PTPRK: variants seen among roughly 807,000 people sequenced by gnomAD.
The protein encoded by PTPRK is receptor-type tyrosine-protein phosphatase kappa.
In PTPRK, 75 loss-of-function variants were observed where a neutral mutation model predicts 178.0. The ratio of observed to expected loss-of-function variants is 0.42; its 90% confidence interval spans 0.35 to 0.51. PTPRK has a LOEUF of 0.51. Ranked by LOEUF, PTPRK falls within the 20% of genes least tolerant of loss-of-function variation. The pLI is 0.02. For missense variants in PTPRK, 1,441 were observed against 1,797.8 expected (o/e 0.80, Z 3.59); for synonymous variants, 637 against 620.6 (o/e 1.03, Z -0.39).
At chr6:128,237,038 T>C (rs138896563) in intron 5 of PTPRK, among the ~76,000 whole-genome samples, 2 of 152,324 alleles carry the variant, frequency 1.3e-5, no homozygotes, top group East Asian at 1.9e-4. Context: ...CTAGAAAGAA[T>C]ACAGAAGTGA....
At chr6:127,992,392 C>T (rs1776709435) in intron 19 of PTPRK, among the ~76,000 whole-genome samples, 1 of 151,750 alleles carries the variant, frequency 6.6e-6, no homozygotes, top group African/African-American at 2.4e-5. Flanking sequence ...CTGACTGGCA[C>T]TATTGACTAG....
chr6:127,988,502 A>G (rs1436690403), intron 21 of PTPRK, among the ~76,000 whole-genome samples: 1 of 151,934 alleles, frequency 6.6e-6, no homozygotes, highest in African/African-American at 2.4e-5. Context: ...TAACTTTAAA[A>G]CCATAGTGCA....
At chr6:127,985,484 A>G (rs537319338) in intron 22 of PTPRK, among the ~76,000 whole-genome samples, 3 of 152,358 alleles carry the variant, frequency 2.0e-5, no homozygotes, top group African/African-American at 2.4e-5. Flanking sequence ...CAGAGTTTCT[A>G]TACTTTAAAT....
At chr6:128,407,866 G>T (rs536539713) in intron 1 of PTPRK, among the ~76,000 whole-genome samples, 1 of 152,082 alleles carries the variant, frequency 6.6e-6, no homozygotes, top group South Asian at 2.1e-4. Flanking sequence ...TTCAAGTATG[G>T]GGGAAGAAAG....
rs915489828 is a variant in PTPRK, at chr6:128,520,166, C to G, written c.100+93G>C. The G allele has an allele frequency of 1.1e-5, 13 of 1,138,860 alleles. No individual in the cohort carries two copies. The African/African-American group carries it at 1.4e-4, about 12-fold the overall frequency. 70.5% of individuals were successfully genotyped at this position (1,138,860 alleles called of 1,614,324 possible). ...ACCCCCGGACAGAGAGAGCTCCCCA[C>G]GATCCTTGTCCCCAGCCCTAGCGGG... On this transcript the variant is annotated intron_variant, in intron 1 of 29. Coordinates refer to ENST00000368226, the MANE Select transcript of PTPRK (RefSeq NM_002844.4).
chr6:128,395,008 TTTTG>T (rs1840099641), intron 2 of PTPRK, among the ~76,000 whole-genome samples: 1 of 152,154 alleles, frequency 6.6e-6, no homozygotes, highest in Admixed American at 6.5e-5. Flanking sequence ...TTTGTTTTGT[TTTTG>T]TTTGTGTTTT....
intron 3 of PTPRK, among the ~76,000 whole-genome samples, chr6:128,261,799 T>A (rs1345793435): frequency 6.6e-6 from 1 of 152,170 alleles, no homozygotes; most frequent in African/African-American, 2.4e-5. Context: ...GGCAATAGCT[T>A]TTGGAGCTAT....
At chr6:128,413,301 T>C (rs967242647) in intron 1 of PTPRK, among the ~76,000 whole-genome samples, 3 of 152,154 alleles carry the variant, frequency 2.0e-5, no homozygotes, top group Non-Finnish European at 4.4e-5. Flanking sequence ...TAAGAGAACA[T>C]TCGCTGGTCC....
rs538548428 is a variant in PTPRK at position 128,348,064 on chromosome 6, T to G, written c.224-25754A>C. Among the ~76,000 whole-genome samples the G allele has an allele frequency of 1.7e-4, 26 of 152,130 alleles. 1 individual carries two copies. The South Asian group carries it at 5.0e-3, about 29-fold the overall frequency. ...CAAGTACAGATCATCTATTGTAGCT[T>G]TGACACAACACATATACTTTTATAA... On this transcript the variant is annotated intron_variant, in intron 2 of 29. Coordinates refer to ENST00000368226, the MANE Select transcript of PTPRK (RefSeq NM_002844.4).
At chr6:128,105,412 C>A (rs540399185) in intron 7 of PTPRK, among the ~76,000 whole-genome samples, 13 of 152,140 alleles carry the variant, frequency 8.5e-5, no homozygotes, top group Non-Finnish European at 1.0e-4. Context: ...GGATTACAGG[C>A]GTGAGCCACC....
chr6:128,369,155 GTCCC>G, intron 2 of PTPRK, among the ~76,000 whole-genome samples: 1 of 3,072 alleles, frequency 3.3e-4, no homozygotes, highest in East Asian at 0.023. Flanking sequence ...CCCCATTACT[GTCCC>G]ACCACTCTTT....
chr6:128,374,978 C>T (rs965079503), intron 2 of PTPRK, among the ~76,000 whole-genome samples: 3 of 151,848 alleles, frequency 2.0e-5, no homozygotes, highest in Non-Finnish European at 2.9e-5. Context: ...GCCTGGAATG[C>T]TTTTCCCCTA....
chr6:128,491,705 A>G, intron 1 of PTPRK: 1 of 486,668 alleles, frequency 2.1e-6, no homozygotes, highest in Non-Finnish European at 4.1e-6. Flanking sequence ...GGCTTACATT[A>G]ATCTATCATT....
chr6:128,151,655 G>A (rs903870066), intron 7 of PTPRK, among the ~76,000 whole-genome samples: 2 of 152,024 alleles, frequency 1.3e-5, no homozygotes, highest in Admixed American at 1.3e-4. Flanking sequence ...ATAAATCTAT[G>A]CTTCTTTTAC....
Position 128,089,677 on chromosome 6 carries a change from A to C in PTPRK, c.1465+13T>G. 1 of 1,590,826 alleles carries C rather than the reference A, an allele frequency of 6.3e-7. No homozygotes were observed. The highest frequency in any genetic ancestry group is 8.6e-7 in the Non-Finnish European group (1 of 1,159,338). On this transcript the variant is annotated intron_variant, in intron 8 of 29. Transcript: ENST00000368226. ...AGAATTCCCCCCTTTTAAACAGCAA[A>C]GTATGAGCATACCATCTTCATCAGT... is the stretch of plus-strand genomic sequence containing the variant.
chr6:128,098,086 C>T (rs575148696), intron 7 of PTPRK, among the ~76,000 whole-genome samples: 4 of 151,978 alleles, frequency 2.6e-5, no homozygotes, highest in Non-Finnish European at 5.9e-5. Flanking sequence ...ATTTTGCATG[C>T]CAAGTACAGT....
chr6:128,293,033 A>G (rs1371295695), intron 3 of PTPRK, among the ~76,000 whole-genome samples: 3 of 152,064 alleles, frequency 2.0e-5, no homozygotes, highest in Non-Finnish European at 4.4e-5. Context: ...CCTGGTTAAG[A>G]AAGTTTCACC....
chr6:128,435,638 T>G (rs1198289284), intron 1 of PTPRK, among the ~76,000 whole-genome samples: 2 of 152,160 alleles, frequency 1.3e-5, no homozygotes, highest in Non-Finnish European at 1.5e-5. Context: ...AAGCAGTTCG[T>G]TATCTGTTAC....
At chr6:128,049,149 A>G (rs928074002) in intron 13 of PTPRK, among the ~76,000 whole-genome samples, 1 of 152,206 alleles carries the variant, frequency 6.6e-6, no homozygotes, top group Non-Finnish European at 1.5e-5. Flanking sequence ...CCATTCTATC[A>G]GATTTCATAG....
Sources: gnomAD v4.1 joint callset for allele counts (sites outside exome capture counted in the v4.1 genomes callset) on GRCh38, gnomAD v4.1.1 for gene constraint, MANE v1.5 for transcripts, NCBI Gene and HGNC (gene_info 2026-07-23, HGNC 2026-07-21) for gene names.